Variants in AVEN observed in about 807,000 individuals in gnomAD.
AVEN encodes cell death regulator Aven.
In AVEN, 41 loss-of-function variants were observed where a neutral mutation model predicts 38.1. The ratio of observed to expected loss-of-function variants is 1.08; its 90% CI spans 0.84 to 1.40. The LOEUF (loss-of-function observed/expected upper bound fraction) is 1.40, where lower values mean the gene tolerates loss of function less well. AVEN is among the 40% of genes most tolerant of loss of function. The pLI is 0.00. For synonymous variants in AVEN, 206 were observed against 171.8 expected (o/e 1.20, Z -1.56); for missense variants, 605 against 438.8 (o/e 1.38, Z -3.38).
At chr15:33,942,404 A>G (rs1356592611) in intron 2 of AVEN, among the ~76,000 whole-genome samples, 1 of 152,128 alleles carries the variant, frequency 6.6e-6, no homozygotes, top group African/African-American at 2.4e-5. Context: ...TATTTAAATG[A>G]AGTTGTACTT....
intron 2 of AVEN, among the ~76,000 whole-genome samples, chr15:33,913,784 T>C (rs1031935972): frequency 6.6e-6 from 1 of 152,172 alleles, no homozygotes; most frequent in Non-Finnish European, 1.5e-5. Flanking sequence ...CACTTCTCAT[T>C]ATACAAGAAT....
intron 2 of AVEN, among the ~76,000 whole-genome samples, chr15:33,937,932 C>CAAAAAAAAAAAAAAAAAAA: frequency 9.9e-6 from 1 of 100,856 alleles, no homozygotes; most frequent in Non-Finnish European, 2.1e-5. Context: ...CCTACTTGAC[C>CAAAAAAAAAAAAAAAAAAA]AAAAAAAAAA....
At chr15:33,917,353 T>TGTGTG (rs1454534647) in intron 2 of AVEN, among the ~76,000 whole-genome samples, 1 of 40,946 alleles carries the variant, frequency 2.4e-5, no homozygotes. Context: ...GAAAATGTGG[T>TGTGTG]GTGTGTGTGT....
At chr15:34,052,246 A>C (rs930074258) in intron 5 of AVEN, among the ~76,000 whole-genome samples, 1 of 152,200 alleles carries the variant, frequency 6.6e-6, no homozygotes, top group Non-Finnish European at 1.5e-5. Context: ...AAGAAAAAAA[A>C]CCACATGATT....
At position 33,958,068 on chromosome 15, in the gene AVEN, T is replaced by C. The variant is rs140710754; in HGVS notation, c.445+44964A>G. ...CACTAAATATTAAGAACCACTATTC[T>C]ATAACTTGTTTGTAGAAGTGGTTAC... On this transcript the variant is annotated intron_variant, in intron 2 of 5. Coordinates refer to ENST00000306730, the MANE Select transcript of AVEN (RefSeq NM_020371.3). Among the ~76,000 whole-genome samples, 633 of 152,362 alleles carry C rather than the reference T, an allele frequency of 4.2e-3. 3 individuals carry two copies. The highest frequency in any genetic ancestry group is 0.015 in the African/African-American group (607 of 41,584).
At chr15:33,929,171 A>C (rs1174544326) in intron 2 of AVEN, among the ~76,000 whole-genome samples, 2 of 152,200 alleles carry the variant, frequency 1.3e-5, no homozygotes, top group African/African-American at 2.4e-5. Context: ...AACTATGTTC[A>C]ATATAAAATG....
intron 2 of AVEN, among the ~76,000 whole-genome samples, chr15:33,982,192 T>G (rs1393417452): frequency 1.3e-5 from 2 of 152,062 alleles, no homozygotes; most frequent in Non-Finnish European, 2.9e-5. Context: ...TTTAACACAT[T>G]TGTTAACACC....
intron 11 of AVEN, among the ~76,000 whole-genome samples, chr15:33,860,033 C>T (rs1015495375): frequency 3.3e-5 from 5 of 152,138 alleles, no homozygotes; most frequent in African/African-American, 1.2e-4. Flanking sequence ...CTAGTCTTGT[C>T]CTCTTCATTT....
At chr15:34,073,986 C>CTTTTTTTTTTTTTTTTTTTTTTTTTTT (rs1381411256) in intron 1 of AVEN, among the ~76,000 whole-genome samples, 7 of 112,190 alleles carry the variant, frequency 6.2e-5, no homozygotes, top group African/African-American at 2.9e-4. Context: ...TTTTCTTCTT[C>CTTTTTTTTTTTTTTTTTTTTTTTTTTT]TTCTTTTTTT....
the AVEN span, among the ~76,000 whole-genome samples, chr15:33,853,314 ATAG>A: frequency 1.3e-5 from 2 of 152,346 alleles, no homozygotes; most frequent in South Asian, 4.1e-4. Context: ...TGTTTTCTGC[ATAG>A]TAGATGTTTT....
upstream of AVEN, among the ~76,000 whole-genome samples, chr15:34,039,582 G>A (rs900103482): frequency 5.9e-5 from 9 of 152,150 alleles, no homozygotes; most frequent in African/African-American, 2.2e-4. Flanking sequence ...CGAAGTCAGG[G>A]TTCAGGAGGT....
chr15:34,020,333 G>C (rs1299318034), intron 1 of AVEN, among the ~76,000 whole-genome samples: 1 of 151,774 alleles, frequency 6.6e-6, no homozygotes, highest in African/African-American at 2.4e-5. Flanking sequence ...AAAAAAAATA[G>C]AGGTTTTAAA....
chr15:34,073,989 C>CT lies in AVEN; in HGVS notation n.720+446dup, dbSNP rs5811818. Among the ~76,000 whole-genome samples the CT allele has an allele frequency of 4.5e-3, 143 of 31,494 alleles. 14 individuals are homozygous for CT. The highest frequency in any genetic ancestry group is 8.8e-3 in the African/African-American group (134 of 15,216). The allele number at this position is 31,494 out of a possible 152,430, so 20.7% of individuals were successfully genotyped here. On this transcript the variant is annotated intron_variant and non_coding_transcript_variant, in intron 1 of 11. Coordinates refer to the AVEN transcript ENST00000675287. The stretch of plus-strand genomic sequence containing the variant: ...AGGAACTTTCTTTTTTCTTCTTCTT[C>CT]TTTTTTTTTTTTTTTTTTTTTTTTT...
At chr15:33,939,374 G>C (rs1894224312) in intron 2 of AVEN, among the ~76,000 whole-genome samples, 1 of 152,238 alleles carries the variant, frequency 6.6e-6, no homozygotes, top group South Asian at 2.1e-4. Context: ...CTAGAAATCA[G>C]TATCGCTTGT....
rs1363092793 is a variant in AVEN at position 33,917,551 on chromosome 15, CAT to C, written c.446-41558_446-41557del. ...TATATATATATATATATCAATCACACATGTGTATGTATACACACACACACACA... is the reference window on the plus strand; with the variant it reads ...TATATATATATATATATCAATCACACGTGTATGTATACACACACACACACA... On this transcript the variant is annotated intron_variant, in intron 2 of 5. Coordinates refer to ENST00000306730, the MANE Select transcript of AVEN (RefSeq NM_020371.3). Among the ~76,000 whole-genome samples, 29 of 113,370 alleles carry C rather than the reference CAT, an allele frequency of 2.6e-4. No individual in the cohort carries two copies. The East Asian group carries it at 5.3e-3, about 21-fold the overall frequency. The allele number at this position is 113,370 out of a possible 152,430, so 74.4% of individuals were successfully genotyped here.
At chr15:33,854,810 C>T (rs748822121), downstream of AVEN, 5 of 1,613,818 alleles carry the variant, frequency 3.1e-6, no homozygotes, top group Non-Finnish European at 4.2e-6. Context: ...CAGTCCTGGG[C>T]CACTACAATA....
At chr15:33,904,222 C>A (rs371699378) in intron 2 of AVEN, among the ~76,000 whole-genome samples, 38 of 152,214 alleles carry the variant, frequency 2.5e-4, no homozygotes, top group African/African-American at 8.4e-4. Flanking sequence ...GAATTTGAGA[C>A]CTACCTGGGC....
intron 2 of AVEN, among the ~76,000 whole-genome samples, chr15:33,961,693 G>T (rs1230416748): frequency 1.3e-5 from 2 of 150,974 alleles, no homozygotes; most frequent in Admixed American, 6.6e-5. Flanking sequence ...GGCACCTGTA[G>T]TCCCAGCTAC....
At chr15:33,971,794 C>T (rs79729860) in intron 2 of AVEN, among the ~76,000 whole-genome samples, 1,920 of 151,926 alleles carry the variant, frequency 0.013, 38 homozygotes, top group African/African-American at 0.044. Context: ...ATATTTGTTC[C>T]TTATTATGGT....
Sources: allele counts gnomAD v4.1 joint callset (sites outside exome capture counted in the v4.1 genomes callset), GRCh38; gene constraint gnomAD v4.1.1; transcripts MANE v1.5; gene names NCBI Gene and HGNC (gene_info 2026-07-23, HGNC 2026-07-21).